Variants in PIP4K2A observed in about 807,000 individuals in gnomAD.
PIP4K2A encodes phosphatidylinositol-5-phosphate 4-kinase type 2 alpha, also known as phosphatidylinositol 5-phosphate 4-kinase type-2 alpha.
In PIP4K2A, 14 loss-of-function variants were observed where a neutral mutation model predicts 42.9. That is an observed-to-expected ratio of 0.33 (90% CI 0.22 to 0.51). PIP4K2A has a LOEUF of 0.51. PIP4K2A is among the 20% of genes least tolerant of loss of function. PIP4K2A has a pLI of 0.97. For synonymous variants in PIP4K2A, 192 were observed against 192.2 expected (o/e 1.00, Z 0.01); for missense variants, 434 against 519.8 (o/e 0.83, Z 1.61).
intron 5 of PIP4K2A, chr10:22,568,879 G>A: frequency 6.3e-6 from 4 of 633,590 alleles, no homozygotes; most frequent in Non-Finnish European, 1.1e-5. Flanking sequence ...AATTTCCTGG[G>A]CTCCCTTCCC....
intron 3 of PIP4K2A, among the ~76,000 whole-genome samples, chr10:22,603,101 A>T (rs527296551): frequency 5.3e-5 from 8 of 152,364 alleles, no homozygotes; most frequent in Admixed American, 1.3e-4. Flanking sequence ...AAATAAGAAT[A>T]TCAAAAGTTT....
At chr10:22,590,909 G>T (rs772731046) in intron 4 of PIP4K2A, among the ~76,000 whole-genome samples, 1 of 152,204 alleles carries the variant, frequency 6.6e-6, no homozygotes, top group Non-Finnish European at 1.5e-5. Context: ...CTTAGTAAGC[G>T]ACCTGGCTGG....
intron 1 of PIP4K2A, among the ~76,000 whole-genome samples, chr10:22,711,990 TAGAG>T (rs1564475051): frequency 6.6e-6 from 1 of 152,216 alleles, no homozygotes; most frequent in Non-Finnish European, 1.5e-5. Context: ...ATAAAAATAT[TAGAG>T]GTGTTTTAGC....
At chr10:22,602,937 A>G (rs1401835079) in intron 3 of PIP4K2A, among the ~76,000 whole-genome samples, 1 of 152,160 alleles carries the variant, frequency 6.6e-6, no homozygotes, top group African/African-American at 2.4e-5. Flanking sequence ...TCCTGCCCTC[A>G]GGCAGTTTAA....
chr10:22,663,753 T>C (rs956323764), intron 1 of PIP4K2A, among the ~76,000 whole-genome samples: 1 of 151,974 alleles, frequency 6.6e-6, no homozygotes, highest in South Asian at 2.1e-4. Flanking sequence ...GCAAATTAAT[T>C]CTACATTAAT....
chr10:22,538,997 G>C (rs1241031140), intron 9 of PIP4K2A, among the ~76,000 whole-genome samples: 2 of 152,218 alleles, frequency 1.3e-5, no homozygotes, highest in African/African-American at 4.8e-5. Flanking sequence ...TCTGTGGGAA[G>C]CACCTCTTCT....
intron 5 of PIP4K2A, among the ~76,000 whole-genome samples, chr10:22,570,481 G>A (rs1051366691): frequency 6.6e-6 from 1 of 152,194 alleles, no homozygotes; most frequent in Non-Finnish European, 1.5e-5. Context: ...ATTTCCCCAG[G>A]GGCAATTCCA....
intron 1 of PIP4K2A, among the ~76,000 whole-genome samples, chr10:22,668,859 T>C (rs1473836337): frequency 6.6e-6 from 1 of 152,238 alleles, no homozygotes; most frequent in Non-Finnish European, 1.5e-5. Context: ...TGGGCTGTTT[T>C]TGTAAAGAAA....
At chr10:22,573,938 G>C (rs192339429) in intron 4 of PIP4K2A, among the ~76,000 whole-genome samples, 88 of 152,372 alleles carry the variant, frequency 5.8e-4, no homozygotes, top group Admixed American at 4.8e-3. Context: ...TGGGAGGGCA[G>C]AGCTAAGCTT....
chr10:22,575,393 G>A (rs567008125), intron 4 of PIP4K2A, among the ~76,000 whole-genome samples: 3 of 152,056 alleles, frequency 2.0e-5, no homozygotes, highest in African/African-American at 7.2e-5. Flanking sequence ...CTCCCATCAC[G>A]AACTACCTTT....
rs11498383 is a variant in PIP4K2A at position 22,664,150 on chromosome 10, T to C, written c.144+50033A>G. Among the ~76,000 whole-genome samples the C allele has an allele frequency of 4.5e-3, 98 of 21,738 alleles. 5 individuals carry two copies. The highest frequency in any genetic ancestry group is 0.032 in the Middle Eastern group (2 of 62). 14.3% of individuals were successfully genotyped at this position (21,738 alleles called of 152,430 possible). On this transcript the variant is annotated intron_variant, in intron 1 of 9. Transcript: ENST00000376573. ...ATATACATATATATATACATATATATACACATATATATATATACATATATA... is the reference window on the plus strand; with the variant it reads ...ATATACATATATATATACATATATACACACATATATATATATACATATATA...
intron 1 of PIP4K2A, among the ~76,000 whole-genome samples, chr10:22,648,052 A>T (rs1838918583): frequency 6.6e-6 from 1 of 152,164 alleles, no homozygotes; most frequent in South Asian, 2.1e-4. Flanking sequence ...GGCTGTTCAG[A>T]CTTTATTTCC....
chr10:22,651,581 C>T (rs1479601978), intron 1 of PIP4K2A, among the ~76,000 whole-genome samples: 1 of 152,240 alleles, frequency 6.6e-6, no homozygotes, highest in Non-Finnish European at 1.5e-5. Context: ...TAGGCGTCCA[C>T]ACCACCTCCA....
chr10:22,605,593 G>T (rs1336820799), intron 3 of PIP4K2A, among the ~76,000 whole-genome samples: 1 of 152,210 alleles, frequency 6.6e-6, no homozygotes, highest in Non-Finnish European at 1.5e-5. Context: ...TCATTTGACA[G>T]AATTGATTAT....
chr10:22,708,964 T>C (rs1395946094), intron 1 of PIP4K2A, among the ~76,000 whole-genome samples: 1 of 152,134 alleles, frequency 6.6e-6, no homozygotes, highest in East Asian at 1.9e-4. Flanking sequence ...TTACATTTTT[T>C]GTAGAGACAG....
At chr10:22,615,886 C>A (rs766694540) in intron 1 of PIP4K2A, among the ~76,000 whole-genome samples, 43 of 152,066 alleles carry the variant, frequency 2.8e-4, no homozygotes, top group Admixed American at 6.5e-4. Context: ...CCGCCCCACA[C>A]AGAGTGGCTG....
intron 4 of PIP4K2A, among the ~76,000 whole-genome samples, chr10:22,586,166 A>G (rs1837390954): frequency 6.6e-6 from 1 of 152,234 alleles, no homozygotes; most frequent in African/African-American, 2.4e-5. Context: ...TTTCCCAACT[A>G]CAAGAGAAAA....
chr10:22,585,641 C>T (rs910853205), intron 4 of PIP4K2A, among the ~76,000 whole-genome samples: 3 of 150,876 alleles, frequency 2.0e-5, no homozygotes, highest in Non-Finnish European at 2.9e-5. Context: ...CAGAATCTCA[C>T]CCAGGCTGGA....
rs1839304174 is a variant in PIP4K2A, at chr10:22,664,228, T to TACATATATATATATACATATATATATAC, written c.144+49954_144+49955insGTATATATATATGTATATATATATATGT. ...ACATATATATATATACATATATATA[T>TACATATATATATATACATATATATATAC]ACACACACACACACACACACACATA... is the stretch of plus-strand genomic sequence containing the variant. On this transcript the variant is annotated intron_variant, in intron 1 of 9. Coordinates refer to ENST00000376573, the MANE Select transcript of PIP4K2A (RefSeq NM_005028.5). Among the ~76,000 whole-genome samples the TACATATATATATATACATATATATATAC allele has an allele frequency of 5.7e-4, 51 of 89,852 alleles. 4 individuals carry two copies. The highest frequency in any genetic ancestry group is 4.9e-3 in the Middle Eastern group (1 of 206). The allele number at this position is 89,852 out of a possible 152,430, so 58.9% of individuals were successfully genotyped here.
Sources: allele counts gnomAD v4.1 joint callset (sites outside exome capture counted in the v4.1 genomes callset), GRCh38; gene constraint gnomAD v4.1.1; transcripts MANE v1.5; gene names NCBI Gene and HGNC (gene_info 2026-07-23, HGNC 2026-07-21).